Variants in MIA2 observed in about 807,000 individuals in gnomAD.
MIA2 encodes the protein melanoma inhibitory activity protein 2.
A neutral mutation model predicts 167.8 loss-of-function variants in MIA2; 127 were observed. That is an observed-to-expected ratio of 0.76 (90% CI 0.66 to 0.88). MIA2 has a LOEUF of 0.88. MIA2 is among the 40% of genes least tolerant of loss of function. MIA2 has a pLI of 0.00. For missense variants in MIA2, 1,690 were observed against 1,624.7 expected, an observed-to-expected ratio of 1.04 and a Z score of -0.69; for synonymous variants, 552 against 541.9, an observed-to-expected ratio of 1.02 and a Z score of -0.26.
chr14:39,263,994 G>T (rs7141921), intron 6 of MIA2, among the ~76,000 whole-genome samples: 30,405 of 151,968 alleles, frequency 0.2, 3,030 homozygotes, highest in Middle Eastern at 0.28. Flanking sequence ...GTACAGGTTT[G>T]TTACAAGGGT....
At chr14:39,283,877 A>G (rs2059280486) in intron 9 of MIA2, among the ~76,000 whole-genome samples, 1 of 152,174 alleles carries the variant, frequency 6.6e-6, no homozygotes, top group South Asian at 2.1e-4. Flanking sequence ...GTTGAGTTGT[A>G]TGAGGTCTTT....
At chr14:39,384,021 A>G in intron 23 of MIA2, among the ~76,000 whole-genome samples, 1 of 152,242 alleles carries the variant, frequency 6.6e-6, no homozygotes, top group East Asian at 1.9e-4. Context: ...GAAGGTGGCT[A>G]CACTAAACAG....
chr14:39,270,582 G>A (rs767127290), intron 6 of MIA2, among the ~76,000 whole-genome samples: 5 of 152,034 alleles, frequency 3.3e-5, no homozygotes, highest in Non-Finnish European at 7.4e-5. Flanking sequence ...AGGCTGGAGC[G>A]TAGTGGCGTG....
At chr14:39,346,166 TTA>T (rs2073206514) in intron 26 of MIA2, 140 bp downstream of exon 26, 3 of 717,470 alleles carry the variant, frequency 4.2e-6, no homozygotes, top group Admixed American at 2.5e-5. Flanking sequence ...TGTCCTGGTT[TTA>T]TGTTTCTTGT....
chr14:39,325,585 T>C (rs888559245), intron 24 of MIA2, among the ~76,000 whole-genome samples: 32 of 151,342 alleles, frequency 2.1e-4, no homozygotes, highest in South Asian at 2.1e-4. Flanking sequence ...GCCAGGATGG[T>C]CTCGATCTCC....
chr14:39,328,734 A>G (rs184010435), intron 25 of MIA2, among the ~76,000 whole-genome samples: 2 of 152,248 alleles, frequency 1.3e-5, no homozygotes, highest in Admixed American at 1.3e-4. Context: ...TCCTTTCCCC[A>G]TTGGTTGTTT....
chr14:39,297,666 C>CGTGTGTATGTGT (rs1555375080), intron 13 of MIA2, among the ~76,000 whole-genome samples: 1 of 140,074 alleles, frequency 7.1e-6, no homozygotes, highest in African/African-American at 2.7e-5. Context: ...TAGGGTTTTG[C>CGTGTGTATGTGT]GTGTGTGTGT....
chr14:39,334,019 T>A (rs2069623253), intron 25 of MIA2, among the ~76,000 whole-genome samples: 1 of 152,190 alleles, frequency 6.6e-6, no homozygotes, highest in South Asian at 2.1e-4. Context: ...TTCAGTATTG[T>A]TCCAAAATTT....
At chr14:39,368,689 G>GT (rs35332595) in intron 23 of MIA2, among the ~76,000 whole-genome samples, 2,790 of 126,674 alleles carry the variant, frequency 0.022, 39 homozygotes, top group Middle Eastern at 0.071. Context: ...TCTTTTTTTT[G>GT]TTTTTTTTTT....
At chr14:39,343,443 G>A (rs1285337330) in intron 25 of MIA2, among the ~76,000 whole-genome samples, 1 of 152,048 alleles carries the variant, frequency 6.6e-6, no homozygotes, top group African/African-American at 2.4e-5. Context: ...CACCATGCCC[G>A]GCCTGTTTTT....
intron 23 of MIA2, among the ~76,000 whole-genome samples, chr14:39,361,824 T>A (rs1330060053): frequency 1.3e-5 from 2 of 152,182 alleles, no homozygotes; most frequent in African/African-American, 4.8e-5. Context: ...TTTGGTATGA[T>A]GTTAGCTGTG....
intron 23 of MIA2, among the ~76,000 whole-genome samples, chr14:39,363,904 A>T (rs568026868): frequency 1.1e-4 from 17 of 152,234 alleles, no homozygotes; most frequent in African/African-American, 4.1e-4. Context: ...CTTTCAGTCT[A>T]TGTGTCTTTA....
downstream of MIA2, among the ~76,000 whole-genome samples, chr14:39,354,674 T>C (rs2074476262): frequency 1.3e-5 from 2 of 152,194 alleles, no homozygotes; most frequent in Admixed American, 6.5e-5. Context: ...GGTTTTCTTC[T>C]AGGGTTTTTA....
chr14:39,331,883 C>T (rs1018382851), intron 25 of MIA2, among the ~76,000 whole-genome samples: 1 of 152,082 alleles, frequency 6.6e-6, no homozygotes, highest in Non-Finnish European at 1.5e-5. Context: ...CTGCCCTTAA[C>T]GTTTTTTCCT....
At chr14:39,258,584 G>A (rs2152649150) in intron 6 of MIA2, among the ~76,000 whole-genome samples, 1 of 152,242 alleles carries the variant, frequency 6.6e-6, no homozygotes, top group African/African-American at 2.4e-5. Context: ...GCCTACTTCT[G>A]TCAATTCATC....
At chr14:39,346,518 A>T (rs1697559931) in intron 26 of MIA2, among the ~76,000 whole-genome samples, 1 of 152,116 alleles carries the variant, frequency 6.6e-6, no homozygotes. Context: ...ACTACCTCAT[A>T]GCAACCCATT....
chr14:39,372,137 A>T (rs1227913295), intron 23 of MIA2, among the ~76,000 whole-genome samples: 1 of 151,662 alleles, frequency 6.6e-6, no homozygotes, highest in Non-Finnish European at 1.5e-5. Context: ...TAAATTTCTT[A>T]TAAGTAGAGG....
intron 25 of MIA2, among the ~76,000 whole-genome samples, chr14:39,336,443 A>G (rs2070435667): frequency 6.6e-6 from 1 of 152,192 alleles, no homozygotes; most frequent in African/African-American, 2.4e-5. Flanking sequence ...CTTATAAACT[A>G]ATAAGGATTT....
chr14:39,294,719 A>C (rs1282245389), intron 12 of MIA2, among the ~76,000 whole-genome samples: 1 of 152,202 alleles, frequency 6.6e-6, no homozygotes, highest in Non-Finnish European at 1.5e-5. Context: ...AGGTTTGTCC[A>C]AGGTCACATC....
Sources: allele counts gnomAD v4.1 joint callset (sites outside exome capture counted in the v4.1 genomes callset), GRCh38; gene constraint gnomAD v4.1.1; transcripts MANE v1.5; gene names NCBI Gene and HGNC (gene_info 2026-07-23, HGNC 2026-07-21).